Variants in TGM6 observed in about 807,000 individuals in gnomAD.
TGM6 encodes transglutaminase 6.
Under a neutral mutation model 77.5 loss-of-function variants are expected in TGM6, and 74 were observed. The ratio of observed to expected loss-of-function variants is 0.96; its 90% CI spans 0.79 to 1.16. The LOEUF (loss-of-function observed/expected upper bound fraction) is 1.16. Ranked by LOEUF, TGM6 falls within the 50% of genes most tolerant of loss-of-function variation. The pLI, the probability that TGM6 is intolerant of heterozygous loss-of-function variation, is 0.00. For synonymous variants in TGM6, 383 were observed against 378.9 expected, an observed-to-expected ratio of 1.01 and a Z score of -0.12; for missense variants, 968 against 940.2, an observed-to-expected ratio of 1.03 and a Z score of -0.39.
intron 12 of TGM6, among the ~76,000 whole-genome samples, chr20:2,431,750 G>A (rs1337194571): frequency 6.6e-6 from 1 of 152,242 alleles, no homozygotes; most frequent in African/African-American, 2.4e-5. Flanking sequence ...TTTGAGCTGA[G>A]CCTTAAATGA....
At chr20:2,419,385 A>G (rs1387897233) in intron 10 of TGM6, among the ~76,000 whole-genome samples, 3 of 152,198 alleles carry the variant, frequency 2.0e-5, no homozygotes, top group Non-Finnish European at 2.9e-5. Context: ...GAGGTGTCAC[A>G]CTTTTTTAGC....
At position 2,403,693 on chromosome 20, in the gene TGM6, G is replaced by A; in HGVS notation, c.1206G>A (p.Trp402Ter). Reference protein sequence around the residue: ...FAEVNADYITWLWHEDESRER... With the variant: ...FAEVNADYIT Reference sequence around the variant, plus strand: ...AGGTCAACGCCGACTACATCACCTGGCTGTGGCACGAGGATGAGAGCCGGG... The same window carrying A: ...AGGTCAACGCCGACTACATCACCTGACTGTGGCACGAGGATGAGAGCCGGG... Residue 402 changes from tryptophan to a stop codon, truncating the protein, a stop_gained, in exon 9 of 13, where the codon TGG (tryptophan) becomes TGA (stop). Coordinates refer to ENST00000202625, the MANE Select transcript of TGM6 (RefSeq NM_198994.3). LOFTEE classifies it high-confidence loss of function. The A allele has an allele frequency of 6.2e-7, 1 of 1,614,190 alleles. No individual in the cohort carries two copies. Among genetic ancestry groups the A allele is most frequent in the Non-Finnish European group, 8.5e-7 (1 of 1,180,036 alleles).
chr20:2,413,613 G>A (rs1050621839), intron 9 of TGM6, among the ~76,000 whole-genome samples: 1 of 152,124 alleles, frequency 6.6e-6, no homozygotes, highest in Admixed American at 6.5e-5. Context: ...AACAAATGGT[G>A]TTGGGACCAC....
At position 2,414,051 on chromosome 20, in the gene TGM6, T is replaced by TA. The variant is rs111295680; in HGVS notation, c.1337-3171dup. Among the ~76,000 whole-genome samples the TA allele has an allele frequency of 3.5e-3, 523 of 148,564 alleles. 5 individuals are homozygous for TA. The highest frequency in any genetic ancestry group is 0.012 in the African/African-American group (490 of 40,528). Reference sequence around the variant, plus strand: ...ATATGTAACTCTTAAAACTCAACCATAAAAAAAAAATAATTTTTTTTGAGA... The same window carrying TA: ...ATATGTAACTCTTAAAACTCAACCATAAAAAAAAAAATAATTTTTTTTGAGA... On this transcript the variant is annotated intron_variant, in intron 9 of 12. Coordinates refer to ENST00000202625, the MANE Select transcript of TGM6 (RefSeq NM_198994.3).
At chr20:2,398,688 G>C (rs1426152082) in intron 5 of TGM6, among the ~76,000 whole-genome samples, 1 of 151,926 alleles carries the variant, frequency 6.6e-6, no homozygotes, top group East Asian at 1.9e-4. Flanking sequence ...GGTCAAATTA[G>C]TCACAGGCCA....
At chr20:2,412,308 A>G (rs191525591) in intron 9 of TGM6, among the ~76,000 whole-genome samples, 9 of 152,322 alleles carry the variant, frequency 5.9e-5, no homozygotes, top group Admixed American at 5.9e-4. Flanking sequence ...GACAGAAAGT[A>G]GAATGGTGGT....
chr20:2,405,393 T>G (rs1313351557), intron 9 of TGM6, among the ~76,000 whole-genome samples: 1 of 152,220 alleles, frequency 6.6e-6, no homozygotes, highest in Non-Finnish European at 1.5e-5. Context: ...ACTAATTGAA[T>G]CATAGTCTCT....
At chr20:2,408,611 G>C (rs906105408) in intron 9 of TGM6, among the ~76,000 whole-genome samples, 1 of 152,208 alleles carries the variant, frequency 6.6e-6, no homozygotes, top group African/African-American at 2.4e-5. Context: ...GGGGCCAACA[G>C]CATATGAAGG....
intron 6 of TGM6, 34 bp downstream of exon 6, chr20:2,399,772 T>C (rs749661839): frequency 1.3e-6 from 2 of 1,571,152 alleles, no homozygotes; most frequent in Admixed American, 1.8e-5. Context: ...AGGGTACCTG[T>C]GCCCCCAGCT....
chr20:2,403,576 C>T lies in TGM6; in HGVS notation c.1094-5C>T, dbSNP rs747656727. 1.2e-6 allele frequency: 2 copies of T among 1,614,150 alleles called. No homozygotes were observed. The highest frequency in any genetic ancestry group is 2.2e-5 in the East Asian group (1 of 44,876). Reference sequence around the variant, plus strand: ...ATGCTGCTCATGCCCACCCCTCCTGCCCAGGTGTGTTCCGGTGCGGCCCAG... The same window carrying T: ...ATGCTGCTCATGCCCACCCCTCCTGTCCAGGTGTGTTCCGGTGCGGCCCAG... On this transcript the variant is annotated splice_polypyrimidine_tract_variant and splice_region_variant and intron_variant, in intron 8 of 12. Transcript: ENST00000202625.
At chr20:2,420,052 A>G (rs1012006785) in intron 10 of TGM6, among the ~76,000 whole-genome samples, 14 of 152,102 alleles carry the variant, frequency 9.2e-5, no homozygotes, top group East Asian at 7.7e-4. Context: ...AGACCATCCT[A>G]GCTAACACAG....
chr20:2,401,166 C>A (rs1422389002), intron 7 of TGM6, among the ~76,000 whole-genome samples: 1 of 151,868 alleles, frequency 6.6e-6, no homozygotes, highest in Non-Finnish European at 1.5e-5. Flanking sequence ...CAAGATCATG[C>A]CACTGCGCTC....
Position 2,395,205 on chromosome 20 carries a change from T to G in TGM6, c.193T>G (p.Ser65Ala). 6.2e-7 allele frequency: 1 copy of G among 1,613,494 alleles called. No individual in the cohort carries two copies. Among genetic ancestry groups the G allele is most frequent in the East Asian group, 2.2e-5 (1 of 44,876 alleles). Residue 65 changes from serine to alanine, a missense_variant, in exon 3 of 13, where the codon TCT (serine) becomes GCT (alanine). Coordinates refer to ENST00000202625, the MANE Select transcript of TGM6 (RefSeq NM_198994.3). ...CTCCTCTCCTCCAGGACCCCGGGCT[T>G]CTGAGGCCCTCCACACCAAAGCTGT... Reference protein sequence around the residue: ...IFTMETGPRASEALHTKAVFQ... With the variant: ...IFTMETGPRAAEALHTKAVFQ...
chr20:2,404,641 C>T (rs987061231), intron 9 of TGM6, among the ~76,000 whole-genome samples: 3 of 147,358 alleles, frequency 2.0e-5, no homozygotes, highest in African/African-American at 7.5e-5. Context: ...TCTGGTTGCA[C>T]TTTTTTTTTT....
chr20:2,381,654 C>T (rs1252326970), intron 1 of TGM6, among the ~76,000 whole-genome samples: 2 of 152,182 alleles, frequency 1.3e-5, no homozygotes, highest in Non-Finnish European at 1.5e-5. Context: ...CAGTGGCTCA[C>T]GCCTCTAATC....
intron 9 of TGM6, among the ~76,000 whole-genome samples, chr20:2,412,318 T>A (rs1354760710): frequency 1.3e-5 from 2 of 152,088 alleles, no homozygotes; most frequent in Non-Finnish European, 2.9e-5. Context: ...AGAATGGTGG[T>A]TGTCAGGGGC....
At chr20:2,396,440 A>G in intron 3 of TGM6, 66 bp from the exon 4 acceptor site, 2 of 1,515,728 alleles carry the variant, frequency 1.3e-6, no homozygotes, top group South Asian at 1.1e-5. Flanking sequence ...TCCCTGATGC[A>G]GCCCCTTCCC....
Position 2,427,554 on chromosome 20 carries a change from A to G in TGM6, c.1679-2892A>G, listed in dbSNP as rs184303348. 4.6e-5 allele frequency among the ~76,000 whole-genome samples: 7 copies of G among 152,008 alleles called. No homozygotes were observed. In the East Asian group the frequency reaches 1.4e-3, roughly 29 times the overall value. The stretch of plus-strand genomic sequence containing the variant: ...TTCAATTTTACTGATTTCTGCTCTA[A>G]TTTTTATTATTTCTTTTCTTCTGCT... On this transcript the variant is annotated intron_variant, in intron 10 of 12. Transcript: ENST00000202625.
At chr20:2,394,957 G>C (rs1459006384) in intron 2 of TGM6, among the ~76,000 whole-genome samples, 1 of 152,204 alleles carries the variant, frequency 6.6e-6, no homozygotes, top group East Asian at 1.9e-4. Context: ...GGCAGACTTT[G>C]GTTTCAAAGG....
Sources: allele counts gnomAD v4.1 joint callset (sites outside exome capture counted in the v4.1 genomes callset), GRCh38; gene constraint gnomAD v4.1.1; transcripts MANE v1.5; gene names NCBI Gene and HGNC (gene_info 2026-07-23, HGNC 2026-07-21).